PROSER2: variants seen among roughly 807,000 people sequenced by gnomAD.
The protein encoded by PROSER2 is proline and serine-rich protein 2.
PROSER2 carries 18 observed loss-of-function variants against 14.6 expected under a neutral mutation model. That is an observed-to-expected ratio of 1.23 (90% CI 0.85 to 1.83). The LOEUF (loss-of-function observed/expected upper bound fraction) is 1.83, where lower values mean the gene tolerates loss of function less well. Ranked by LOEUF, PROSER2 falls within the 40% of genes most tolerant of loss-of-function variation. PROSER2 has a pLI of 0.00. For synonymous variants in PROSER2, 367 were observed against 286.4 expected, an observed-to-expected ratio of 1.28 and a Z score of -2.84; for missense variants, 823 against 629.8, an observed-to-expected ratio of 1.31 and a Z score of -3.28.
intron 1 of PROSER2, among the ~76,000 whole-genome samples, chr10:11,826,498 G>A (rs546582476): frequency 6.6e-6 from 1 of 152,312 alleles, no homozygotes; most frequent in South Asian, 2.1e-4. Context: ...CACTAGCAAC[G>A]TGTGAGGGTT....
At chr10:11,844,786 T>C (rs936345214) in intron 1 of PROSER2, among the ~76,000 whole-genome samples, 1 of 152,176 alleles carries the variant, frequency 6.6e-6, no homozygotes, top group African/African-American at 2.4e-5. Context: ...CACGCCTGGC[T>C]AATACTTGTG....
chr10:11,843,813 C>G (rs1454119337), intron 1 of PROSER2, among the ~76,000 whole-genome samples: 2 of 151,918 alleles, frequency 1.3e-5, no homozygotes, highest in African/African-American at 4.8e-5. Flanking sequence ...GATCATGCCA[C>G]TGCACTCCAA....
chr10:11,857,303 G>C (rs149841320), intron 2 of PROSER2: 1 of 152,160 alleles, frequency 6.6e-6, no homozygotes, highest in Non-Finnish European at 1.5e-5. Flanking sequence ...GAGCCCAGCC[G>C]TCATCTTGTG....
intron 3 of PROSER2, among the ~76,000 whole-genome samples, chr10:11,867,090 C>T (rs935486780): frequency 2.6e-5 from 4 of 151,690 alleles, no homozygotes; most frequent in African/African-American, 9.7e-5. Flanking sequence ...CAGTGAAACC[C>T]CGTCTCTACT....
At chr10:11,859,946 G>A (rs377750402) in intron 2 of PROSER2, among the ~76,000 whole-genome samples, 24 of 152,276 alleles carry the variant, frequency 1.6e-4, no homozygotes, top group African/African-American at 5.1e-4. Context: ...GGCATCTCCC[G>A]AGGGAGGGGT....
intron 2 of PROSER2, among the ~76,000 whole-genome samples, chr10:11,858,106 T>C (rs1488196562): frequency 1.3e-5 from 2 of 151,980 alleles, no homozygotes; most frequent in Admixed American, 1.3e-4. Context: ...GGCTAATTTT[T>C]TTTTGTATTT....
At chr10:11,835,106 TAA>T (rs10556057) in intron 1 of PROSER2, among the ~76,000 whole-genome samples, 8,664 of 141,672 alleles carry the variant, frequency 0.061, 257 homozygotes, top group Admixed American at 0.073. Context: ...GAATCTGTCT[TAA>T]AAAAAAAAAA....
intron 2 of PROSER2, among the ~76,000 whole-genome samples, chr10:11,858,814 G>C (rs1202949778): frequency 2.0e-5 from 3 of 151,212 alleles, no homozygotes; most frequent in African/African-American, 7.3e-5. Context: ...TTCGAGACCA[G>C]CCTGGCCAAT....
At position 11,866,830 on chromosome 10, in the gene PROSER2, T is replaced by A. The variant is rs775001153; in HGVS notation, c.391+47T>A. 22 of 1,577,562 alleles carry A rather than the reference T, an allele frequency of 1.4e-5. No individual in the cohort carries two copies. The highest frequency in any genetic ancestry group is 1.8e-5 in the Non-Finnish European group (21 of 1,165,592). On this transcript the variant is annotated intron_variant, in intron 3 of 3. Transcript: ENST00000277570. The surrounding 1 kb of genome is among the most constrained non-coding windows in gnomAD (Gnocchi z 6.0). The stretch of plus-strand genomic sequence containing the variant: ...CCCTGGGATGTGGTTTCCTGGTGTC[T>A]GTGAGACCCAGAGATACTTCTTTTG...
In PROSER2 at chr10:11,866,938, C is replaced by T. The variant is rs1176844680; in HGVS notation, c.391+155C>T. ...AAATACTCCTTGGCAGTTTCATCAT[C>T]CAGCAAAGGGAAATGCCAGAGGGCC... is the stretch of plus-strand genomic sequence containing the variant. On this transcript the variant is annotated intron_variant, in intron 3 of 3. Coordinates refer to ENST00000277570, the MANE Select transcript of PROSER2 (RefSeq NM_153256.4). The surrounding 1 kb of genome is among the most constrained non-coding windows in gnomAD (Gnocchi z 6.0). Among the ~76,000 whole-genome samples the T allele has an allele frequency of 1.3e-5, 2 of 152,094 alleles. No homozygotes were observed. Among genetic ancestry groups the T allele is most frequent in the East Asian group, 3.8e-4 (2 of 5,196 alleles).
intron 2 of PROSER2, among the ~76,000 whole-genome samples, chr10:11,857,661 C>T (rs1313402878): frequency 6.8e-6 from 1 of 146,164 alleles, no homozygotes; most frequent in Non-Finnish European, 1.5e-5. Context: ...AGGAAAATCA[C>T]TTGAACCCGG....
Position 11,853,272 on chromosome 10 carries a change from C to T in PROSER2, c.138+1057C>T, listed in dbSNP as rs77149884. 6.0e-3 allele frequency among the ~76,000 whole-genome samples: 908 copies of T among 152,240 alleles called. 3 individuals carry two copies. Among genetic ancestry groups the T allele is most frequent in the Middle Eastern group, 0.027 (8 of 294 alleles). Reference sequence around the variant, plus strand: ...ACTTGCATATTTTCTTTTTTAAAACCATTATGGTAATATGTGATAAATATT... The same window carrying T: ...ACTTGCATATTTTCTTTTTTAAAACTATTATGGTAATATGTGATAAATATT... On this transcript the variant is annotated intron_variant, in intron 2 of 3. Transcript: ENST00000277570.
In PROSER2 at chr10:11,847,168, T is replaced by A. The variant is rs373586485; in HGVS notation, c.-81-4829T>A. 9.0e-3 allele frequency among the ~76,000 whole-genome samples: 1,298 copies of A among 144,882 alleles called. 22 individuals carry two copies. Among genetic ancestry groups the A allele is most frequent in the African/African-American group, 0.03 (1,209 of 40,484 alleles). ...AAACATAAATAAATATATATATATATATATATATATATATATGAATCCAAA... is the reference window on the plus strand; with the variant it reads ...AAACATAAATAAATATATATATATAAATATATATATATATATGAATCCAAA... On this transcript the variant is annotated intron_variant, in intron 1 of 3. Coordinates refer to ENST00000277570, the MANE Select transcript of PROSER2 (RefSeq NM_153256.4).
intron 1 of PROSER2, among the ~76,000 whole-genome samples, chr10:11,832,671 G>T (rs1000183008): frequency 6.6e-6 from 1 of 152,166 alleles, no homozygotes. Context: ...AATTGGATGA[G>T]ATTAATTTCT....
intron 1 of PROSER2, among the ~76,000 whole-genome samples, chr10:11,839,646 G>A (rs1489985655): frequency 2.0e-5 from 3 of 151,910 alleles, no homozygotes; most frequent in African/African-American, 4.8e-5. Context: ...GCAACATGGC[G>A]AAATCCCGTC....
chr10:11,832,307 G>A (rs1172935517), intron 1 of PROSER2, among the ~76,000 whole-genome samples: 2 of 152,164 alleles, frequency 1.3e-5, no homozygotes, highest in Non-Finnish European at 2.9e-5. Context: ...GAGAATTTTT[G>A]GAAGCATTCT....
intron 1 of PROSER2, among the ~76,000 whole-genome samples, chr10:11,824,754 T>C (rs1833587373): frequency 6.6e-6 from 1 of 152,246 alleles, no homozygotes; most frequent in South Asian, 2.1e-4. Flanking sequence ...CAAATGAGCT[T>C]TCTTTGAAAA....
At position 11,840,058 on chromosome 10, in the gene PROSER2, T is replaced by G. The variant is rs558629839; in HGVS notation, c.-81-11939T>G. On this transcript the variant is annotated intron_variant, in intron 1 of 3. Transcript: ENST00000277570. ...ACCTCAGCCTCCCAGTCTCAAGTGA[T>G]TCTCCTGCCTCAGCCTCCCAAGTAG... is the stretch of plus-strand genomic sequence containing the variant. Among the ~76,000 whole-genome samples the G allele has an allele frequency of 2.6e-4, 39 of 151,820 alleles. No individual in the cohort carries two copies. In the South Asian group the frequency reaches 8.1e-3, roughly 32 times the overall value.
Position 11,837,243 on chromosome 10 carries a change from G to A in PROSER2, c.-82+13773G>A, listed in dbSNP as rs1833774804. ...AAAAATCAAATGCTGAGGTCGCTGA[G>A]ACCTACTGTAAGAACAAATCATCTT... On this transcript the variant is annotated intron_variant, in intron 1 of 3. Coordinates refer to ENST00000277570, the MANE Select transcript of PROSER2 (RefSeq NM_153256.4). The surrounding 1 kb of genome is among the most constrained non-coding windows in gnomAD (Gnocchi z 4.6). Among the ~76,000 whole-genome samples the A allele has an allele frequency of 6.6e-6, 1 of 152,200 alleles. No homozygotes were observed. The highest frequency in any genetic ancestry group is 6.5e-5 in the Admixed American group (1 of 15,278).
Sources: gnomAD v4.1 joint callset for allele counts (sites outside exome capture counted in the v4.1 genomes callset) on GRCh38, gnomAD v4.1.1 for gene constraint, Gnocchi (gnomAD v3.1) non-coding constraint, MANE v1.5 for transcripts, NCBI Gene and HGNC (gene_info 2026-07-23, HGNC 2026-07-21) for gene names.